The following SOX5 variants were observed in gnomAD, a reference collection of about 807,000 sequenced individuals.
SOX5 encodes SRY-box transcription factor 5.
SOX5 carries 9 observed loss-of-function variants against 92.0 expected under a neutral mutation model. The ratio of observed to expected loss-of-function variants is 0.10; its 90% CI spans 0.06 to 0.17. The LOEUF (loss-of-function observed/expected upper bound fraction) is 0.17, where lower values mean the gene tolerates loss of function less well. SOX5 is among the 10% of genes least tolerant of loss of function. SOX5 has a pLI of 1.00. For synonymous variants in SOX5, 344 were observed against 336.3 expected (o/e 1.02, Z -0.25); for missense variants, 642 against 944.5 (o/e 0.68, Z 4.20).
In SOX5 at chr12:23,839,346, A is replaced by T. The variant is rs561406664; in HGVS notation, c.481+6637T>A. Reference sequence around the variant, plus strand: ...CATATACCATATTTCCATGGAGAACATCATCTAAAGCTGAGCCCCCAAAAG... The same window carrying T: ...CATATACCATATTTCCATGGAGAACTTCATCTAAAGCTGAGCCCCCAAAAG... On this transcript the variant is annotated intron_variant, in intron 3 of 14. Transcript: ENST00000451604. Among the ~76,000 whole-genome samples the T allele has an allele frequency of 5.5e-4, 83 of 152,276 alleles. 1 individual carries two copies. Among genetic ancestry groups the T allele is most frequent in the Non-Finnish European group, 1.0e-4 (7 of 68,016 alleles).
At chr12:23,648,629 A>G (rs762850621) in intron 7 of SOX5, among the ~76,000 whole-genome samples, 4 of 152,176 alleles carry the variant, frequency 2.6e-5, no homozygotes, top group Non-Finnish European at 5.9e-5. Flanking sequence ...GTGGTCATCT[A>G]CAGGCTGCAA....
chr12:23,653,085 T>C (rs969190620), intron 7 of SOX5, among the ~76,000 whole-genome samples: 16 of 152,016 alleles, frequency 1.1e-4, no homozygotes, highest in African/African-American at 3.9e-4. Flanking sequence ...GGTGGATGGA[T>C]GCCAGTATGA....
intron 1 of SOX5, among the ~76,000 whole-genome samples, chr12:24,525,850 A>G (rs1293259851): frequency 6.6e-6 from 1 of 151,012 alleles, no homozygotes; most frequent in East Asian, 1.9e-4. Context: ...GCGAGACTCC[A>G]TCTCAAAAAA....
intron 4 of SOX5, among the ~76,000 whole-genome samples, chr12:24,167,721 G>C (rs1272146663): frequency 6.6e-6 from 1 of 152,072 alleles, no homozygotes; most frequent in Non-Finnish European, 1.5e-5. Context: ...ATTTTGTTTC[G>C]ATCTAGTCCA....
intron 1 of SOX5, among the ~76,000 whole-genome samples, chr12:24,448,274 C>A (rs928927166): frequency 1.4e-5 from 2 of 145,276 alleles, no homozygotes; most frequent in Admixed American, 1.4e-4. Flanking sequence ...GCACAATAAC[C>A]ATCTCACAGT....
intron 2 of SOX5, among the ~76,000 whole-genome samples, chr12:23,850,218 C>T (rs1452212520): frequency 6.6e-6 from 1 of 151,928 alleles, no homozygotes; most frequent in East Asian, 1.9e-4. Context: ...ATCACGAGGT[C>T]AAGAGATCGA....
At chr12:23,914,913 T>C (rs1324059599) in intron 1 of SOX5, among the ~76,000 whole-genome samples, 4 of 152,142 alleles carry the variant, frequency 2.6e-5, no homozygotes, top group African/African-American at 9.6e-5. Flanking sequence ...TACTATTGGA[T>C]TGTAAACTCT....
rs570186034 is a variant in SOX5, at chr12:23,957,512, T to C, written c.-1-61488A>G. On this transcript the variant is annotated intron_variant, in intron 4 of 4. Coordinates refer to the SOX5 transcript ENST00000446891. ...AGGGGGGAATAAATACAAGGGTTGT[T>C]GTCTCTATCAAAAATTTCAAAATAT... Among the ~76,000 whole-genome samples, 154 of 152,338 alleles carry C rather than the reference T, an allele frequency of 1.0e-3. 1 individual carries two copies. The highest frequency in any genetic ancestry group is 3.6e-3 in the African/African-American group (148 of 41,588).
chr12:24,212,047 C>G (rs1321165117), intron 4 of SOX5, among the ~76,000 whole-genome samples: 1 of 152,178 alleles, frequency 6.6e-6, no homozygotes, highest in African/African-American at 2.4e-5. Context: ...AAGAGTGGTT[C>G]TTAACTCTGC....
intron 1 of SOX5, among the ~76,000 whole-genome samples, chr12:24,370,979 T>C (rs895144455): frequency 6.6e-5 from 10 of 152,218 alleles, no homozygotes; most frequent in Admixed American, 1.3e-4. Flanking sequence ...ATGTTGAATA[T>C]GCTCAGGTTA....
intron 4 of SOX5, among the ~76,000 whole-genome samples, chr12:24,180,947 C>T (rs192767048): frequency 9.9e-5 from 15 of 152,262 alleles, no homozygotes; most frequent in Non-Finnish European, 1.9e-4. Context: ...TCTCAGATCT[C>T]CTATGCATCT....
At chr12:23,796,502 C>G (rs1022145446) in intron 3 of SOX5, among the ~76,000 whole-genome samples, 1 of 151,958 alleles carries the variant, frequency 6.6e-6, no homozygotes, top group African/African-American at 2.4e-5. Context: ...TTTAATGACA[C>G]TGAAAGCTGT....
intron 8 of SOX5, among the ~76,000 whole-genome samples, chr12:23,614,997 T>C (rs2076385911): frequency 6.6e-6 from 1 of 151,916 alleles, no homozygotes; most frequent in Admixed American, 6.6e-5. Flanking sequence ...GCAGACGGGG[T>C]TTTACCATGT....
chr12:24,103,087 G>A (rs923190908), intron 4 of SOX5, among the ~76,000 whole-genome samples: 1 of 152,166 alleles, frequency 6.6e-6, no homozygotes, highest in Non-Finnish European at 1.5e-5. Flanking sequence ...AGGCTTCTTT[G>A]AGAATCCATA....
intron 1 of SOX5, among the ~76,000 whole-genome samples, chr12:23,943,472 T>C (rs1944021029): frequency 6.6e-6 from 1 of 152,108 alleles, no homozygotes; most frequent in Admixed American, 6.6e-5. Flanking sequence ...ATGTGGTTCA[T>C]AATAACCAGC....
At chr12:24,553,377 T>C (rs7316568) in intron 1 of SOX5, among the ~76,000 whole-genome samples, 85,075 of 152,084 alleles carry the variant, frequency 0.56, 26,665 homozygotes, top group East Asian at 0.91. Context: ...TATCCATGTA[T>C]GGCATCTAGC....
chr12:23,673,961 A>C (rs1452585712), intron 6 of SOX5, among the ~76,000 whole-genome samples: 2 of 152,076 alleles, frequency 1.3e-5, no homozygotes, highest in African/African-American at 4.8e-5. Flanking sequence ...AGTAAAAAAC[A>C]ACTTACAAAA....
intron 3 of SOX5, among the ~76,000 whole-genome samples, chr12:23,830,678 C>T (rs1303663454): frequency 6.6e-6 from 1 of 152,100 alleles, no homozygotes; most frequent in South Asian, 2.1e-4. Context: ...TTTCGAAGTG[C>T]CCCCTTTGCC....
At chr12:23,963,399 CCAGT>C (rs1317870280) in intron 4 of SOX5, among the ~76,000 whole-genome samples, 1 of 152,124 alleles carries the variant, frequency 6.6e-6, no homozygotes, top group African/African-American at 2.4e-5. Flanking sequence ...CAGTCAAATT[CCAGT>C]CAAATACATA....
Sources: allele counts gnomAD v4.1 joint callset (sites outside exome capture counted in the v4.1 genomes callset), GRCh38; gene constraint gnomAD v4.1.1; transcripts MANE v1.5; gene names NCBI Gene and HGNC (gene_info 2026-07-23, HGNC 2026-07-21).